Variants in LAMA4 observed in about 807,000 individuals in gnomAD.
LAMA4 encodes the protein laminin subunit alpha-4.
In LAMA4, 127 loss-of-function variants were observed where a neutral mutation model predicts 207.1. That is an observed-to-expected ratio of 0.61 (90% CI 0.53 to 0.71). LAMA4 has a LOEUF of 0.71. Ranked by LOEUF, LAMA4 falls within the 30% of genes least tolerant of loss-of-function variation. LAMA4 has a pLI of 0.00. For synonymous variants in LAMA4, 761 were observed against 816.0 expected (o/e 0.93, Z 1.15); for missense variants, 2,093 against 2,246.5 (o/e 0.93, Z 1.38).
intron 19 of LAMA4, among the ~76,000 whole-genome samples, chr6:112,142,917 C>T (rs948911602): frequency 2.0e-5 from 3 of 152,166 alleles, no homozygotes; most frequent in East Asian, 3.9e-4. Flanking sequence ...AATACGATAA[C>T]TATAAAGTGC....
intron 26 of LAMA4, among the ~76,000 whole-genome samples, chr6:112,133,814 C>A (rs138909528): frequency 6.6e-6 from 1 of 152,260 alleles, no homozygotes; most frequent in Admixed American, 6.5e-5. Context: ...ATCATAGGAA[C>A]TAACATGTTA....
intron 29 of LAMA4, chr6:112,130,300 T>G (rs185585239): frequency 0.013 from 5,014 of 381,914 alleles, 52 homozygotes; most frequent in South Asian, 0.044. Flanking sequence ...AGCATTATTT[T>G]TGTGTGTGTG....
chr6:112,175,222 GATT>G, intron 11 of LAMA4, 88 bp downstream of exon 11: 1 of 1,254,534 alleles, frequency 8.0e-7, no homozygotes, highest in Non-Finnish European at 1.2e-6. Flanking sequence ...TGGTTGCTTT[GATT>G]ATATGTTGCC....
At chr6:112,126,133 G>T (rs1304033556) in intron 31 of LAMA4, among the ~76,000 whole-genome samples, 1 of 152,190 alleles carries the variant, frequency 6.6e-6, no homozygotes, top group African/African-American at 2.4e-5. Flanking sequence ...TGTTAGTAGG[G>T]CTGTTGATTA....
chr6:112,211,665 G>A (rs1477311758), intron 3 of LAMA4, among the ~76,000 whole-genome samples: 1 of 152,192 alleles, frequency 6.6e-6, no homozygotes, highest in South Asian at 2.1e-4. Flanking sequence ...TCCTGAGAAA[G>A]TTGGAGAAGG....
rs1322424129 is a variant in LAMA4 at position 112,115,868 on chromosome 6, C to T, written c.5107G>A (p.Gly1703Arg). The change falls in exon 36 of 39, where the codon GGA becomes AGA. Residue 1703 changes from glycine (G) to arginine (R), a missense_variant. This residue lies in a region of LAMA4 where 383 missense variants were observed against 437.8 expected (regional missense o/e 0.87). Coordinates refer to ENST00000230538, the MANE Select transcript of LAMA4 (RefSeq NM_001105206.3). ...AAACATTTTTCAGACACTACCTGTC[C>T]ATTTTTCATGTGAACATTTAGGTAC... ...GEYLNVHMKNGQVIVKVNNGI... is the reference protein window; with the variant it reads ...GEYLNVHMKNRQVIVKVNNGI... The T allele has an allele frequency of 6.2e-7, 1 of 1,612,882 alleles. No individual in the cohort carries two copies. The highest frequency in any genetic ancestry group is 8.5e-7 in the Non-Finnish European group (1 of 1,179,280).
intron 32 of LAMA4, chr6:112,121,653 A>G: frequency 3.2e-6 from 1 of 317,322 alleles, no homozygotes; most frequent in Non-Finnish European, 6.1e-6. Context: ...TAGCAGTTCA[A>G]ATGCACTCCC....
At chr6:112,217,679 G>A (rs1420193169) in intron 2 of LAMA4, 2 of 152,044 alleles carry the variant, frequency 1.3e-5, no homozygotes, top group South Asian at 2.1e-4. Context: ...CCATTTGGAG[G>A]AAGTTTAATA....
At chr6:112,184,795 G>C (rs797037971) in intron 9 of LAMA4, among the ~76,000 whole-genome samples, 10 of 152,182 alleles carry the variant, frequency 6.6e-5, no homozygotes, top group African/African-American at 2.4e-4. Context: ...CCCTGCCAAA[G>C]AGCGAAATTG....
chr6:112,192,898 G>A (rs1783199994), intron 5 of LAMA4, among the ~76,000 whole-genome samples: 1 of 152,194 alleles, frequency 6.6e-6, no homozygotes, highest in African/African-American at 2.4e-5. Flanking sequence ...AGAGGATGAA[G>A]GACCTATGTT....
rs1584037922 is a variant in LAMA4 at position 112,254,231 on chromosome 6, G to A, written c.-81C>T. 1 of 1,572,928 alleles carries A rather than the reference G, an allele frequency of 6.4e-7. No individual in the cohort carries two copies. The highest frequency in any genetic ancestry group is 2.3e-5 in the East Asian group (1 of 44,402). ...TAGGTCTCCCGCGTGGTGCGGCGGT[G>A]CCTCGCTTATTTTCCCTCCTCTCCG... On this transcript the variant is annotated 5_prime_UTR_variant, in exon 2 of 39. Transcript: ENST00000230538.
chr6:112,187,265 A>G (rs1782739866), intron 8 of LAMA4, 185 bp downstream of exon 8: 1 of 744,924 alleles, frequency 1.3e-6, no homozygotes, highest in Non-Finnish European at 2.3e-6. Flanking sequence ...CCAAGCTCAT[A>G]GTTACAATCA....
intron 17 of LAMA4, 26 bp downstream of exon 17, chr6:112,150,485 A>G (rs1780331698): frequency 7.3e-7 from 1 of 1,368,164 alleles, no homozygotes; most frequent in Admixed American, 1.7e-5. Context: ...TCAACAGATG[A>G]GACTTCAATT....
intron 16 of LAMA4, 182 bp downstream of exon 16, chr6:112,154,669 A>G (rs916276043): frequency 2.8e-5 from 17 of 612,964 alleles, no homozygotes; most frequent in African/African-American, 2.1e-4. Context: ...TTTTTTTTCA[A>G]TCACAATTTA....
chr6:112,128,980 A>G lies in LAMA4; in HGVS notation c.4229T>C (p.Phe1410Ser), dbSNP rs1554328590. 1.2e-6 allele frequency: 2 copies of G among 1,613,236 alleles called. No homozygotes were observed. Among genetic ancestry groups the G allele is most frequent in the African/African-American group, 2.7e-5 (2 of 74,998 alleles). The change falls in exon 31 of 39, where the codon TTT (phenylalanine) becomes TCT (serine). Residue 1410 changes from phenylalanine (F) to serine (S), a missense_variant. Physicochemically the swap from Phe to Ser is radical, Grantham distance 155. Transcript: ENST00000230538. Reference sequence around the variant, plus strand: ...ATTTTTTCCTTTTTTATGGAGGAGAAACAATGGTGAAGACTCAATGGGACA... The same window carrying G: ...ATTTTTTCCTTTTTTATGGAGGAGAGACAATGGTGAAGACTCAATGGGACA... ...YECPIESSPL[F>S]LLHKKGKNLS...
rs782006888 is a variant in LAMA4, at chr6:112,185,359, T to C, written c.967-12A>G. ...TCTGACAATTTTGTCTGCAGAAGAA[T>C]GTGTTTTGAGAATAGTCAATGGGCA... On this transcript the variant is annotated splice_polypyrimidine_tract_variant and intron_variant, in intron 8 of 38. Coordinates refer to ENST00000230538, the MANE Select transcript of LAMA4 (RefSeq NM_001105206.3). 3.3e-6 allele frequency: 5 copies of C among 1,523,864 alleles called. No homozygotes were observed. Among genetic ancestry groups the C allele is most frequent in the Non-Finnish European group, 4.6e-6 (5 of 1,097,718 alleles). 94.4% of individuals were successfully genotyped at this position (1,523,864 alleles called of 1,614,324 possible).
intron 18 of LAMA4, among the ~76,000 whole-genome samples, chr6:112,147,193 C>T (rs1780079273): frequency 6.6e-6 from 1 of 152,048 alleles, no homozygotes; most frequent in African/African-American, 2.4e-5. Flanking sequence ...GTACATATTC[C>T]CGAGGCAATA....
At chr6:112,155,014 G>T (rs1780622118) in intron 15 of LAMA4, 67 bp from the exon 16 acceptor site, 1 of 1,016,948 alleles carries the variant, frequency 9.8e-7, no homozygotes, top group Non-Finnish European at 1.6e-6. Context: ...ATAGTTGAAG[G>T]ATTTAAATGA....
chr6:112,231,961 A>G (rs557613667), intron 2 of LAMA4, among the ~76,000 whole-genome samples: 1 of 152,338 alleles, frequency 6.6e-6, no homozygotes. Context: ...TTATGAGACA[A>G]ATGATAATGA....
Sources: gnomAD v4.1 joint callset for allele counts (sites outside exome capture counted in the v4.1 genomes callset) on GRCh38, gnomAD v4.1.1 for gene constraint, gnomAD v4.1.1 regional missense constraint, MANE v1.5 for transcripts, NCBI Gene and HGNC (gene_info 2026-07-23, HGNC 2026-07-21) for gene names.